Variants in NIPBL observed in about 807,000 individuals in gnomAD.
The protein encoded by NIPBL is NIPBL cohesin loading factor.
Under a neutral mutation model 321.8 loss-of-function variants are expected in NIPBL, and 19 were observed. The observed-to-expected ratio is 0.06, with a 90% CI of 0.04 to 0.09. The LOEUF is 0.09. Among genes scored for constraint, NIPBL ranks in the 10% least tolerant of loss-of-function variants. The pLI is 1.00. For missense variants in NIPBL, 2,210 were observed against 3,327.0 expected (o/e 0.66, Z 8.26); for synonymous variants, 1,106 against 1,114.1 (o/e 0.99, Z 0.14).
chr5:36,888,214 C>T (rs1212586060), intron 1 of NIPBL, among the ~76,000 whole-genome samples: 1 of 152,072 alleles, frequency 6.6e-6, no homozygotes, highest in East Asian at 1.9e-4. Flanking sequence ...TGCTTGGGCT[C>T]TGGTATTTAA....
chr5:36,972,411 C>T (rs1742957715), intron 8 of NIPBL, among the ~76,000 whole-genome samples: 2 of 152,072 alleles, frequency 1.3e-5, no homozygotes, highest in Admixed American at 1.3e-4. Flanking sequence ...CTGTTTTTCT[C>T]CCACTTCTTT....
intron 1 of NIPBL, among the ~76,000 whole-genome samples, chr5:36,878,929 C>T (rs1745299491): frequency 6.6e-6 from 1 of 151,316 alleles, no homozygotes. Flanking sequence ...GCTGCCTGCT[C>T]CTGTTAGACA....
At chr5:37,025,919 T>C (rs747900716) in intron 30 of NIPBL, among the ~76,000 whole-genome samples, 3 of 152,128 alleles carry the variant, frequency 2.0e-5, no homozygotes, top group Non-Finnish European at 4.4e-5. Context: ...TAACAACTTC[T>C]TCTCCAAAAG....
chr5:36,934,998 C>T (rs879301174), intron 1 of NIPBL, among the ~76,000 whole-genome samples: 1 of 152,052 alleles, frequency 6.6e-6, no homozygotes, highest in Non-Finnish European at 1.5e-5. Context: ...CTTCAGTGTC[C>T]CTCTTTTCCT....
intron 1 of NIPBL, among the ~76,000 whole-genome samples, chr5:36,880,856 C>T (rs1745450131): frequency 6.6e-6 from 1 of 152,028 alleles, no homozygotes; most frequent in East Asian, 1.9e-4. Flanking sequence ...ACCAGCTTTC[C>T]GTTTAATGAT....
intron 24 of NIPBL, among the ~76,000 whole-genome samples, 179 bp downstream of exon 24, chr5:37,017,341 A>G (rs894166534): frequency 4.6e-5 from 7 of 152,190 alleles, no homozygotes; most frequent in Admixed American, 3.3e-4. Flanking sequence ...TATTTAGTCT[A>G]ACAGGGACTT....
chr5:36,976,856 T>G (rs149459), intron 9 of NIPBL, among the ~76,000 whole-genome samples: 5,008 of 152,130 alleles, frequency 0.033, 292 homozygotes, highest in African/African-American at 0.11. Context: ...TTTCACTTGG[T>G]TTATGATCCT....
chr5:37,043,480 TCATGC>T (rs1043708048), intron 34 of NIPBL, among the ~76,000 whole-genome samples: 8 of 151,182 alleles, frequency 5.3e-5, no homozygotes, highest in African/African-American at 1.7e-4. Context: ...TGAGCCAAGA[TCATGC>T]CACTGCACTC....
chr5:37,028,906 C>T (rs1179092395), intron 32 of NIPBL, among the ~76,000 whole-genome samples: 1 of 152,124 alleles, frequency 6.6e-6, no homozygotes, highest in African/African-American at 2.4e-5. Flanking sequence ...TCTCATGCGA[C>T]TTGTATGTTT....
At chr5:37,002,427 A>G (rs534133196) in intron 14 of NIPBL, among the ~76,000 whole-genome samples, 8 of 152,350 alleles carry the variant, frequency 5.3e-5, no homozygotes, top group South Asian at 4.1e-4. Context: ...AGTCAAGAGT[A>G]TATCTAAAGT....
chr5:37,051,754 T>A (rs1186760678), intron 40 of NIPBL, 25 bp from the exon 41 acceptor site: 1 of 1,507,596 alleles, frequency 6.6e-7, no homozygotes, highest in Non-Finnish European at 9.2e-7. Flanking sequence ...CCATGATATC[T>A]CGTAATTTTT....
chr5:36,889,940 G>A (rs147706175), intron 1 of NIPBL, among the ~76,000 whole-genome samples: 11 of 148,654 alleles, frequency 7.4e-5, no homozygotes, highest in African/African-American at 2.8e-4. Flanking sequence ...ATGCTGTTTG[G>A]GAAATGGGAA....
intron 34 of NIPBL, among the ~76,000 whole-genome samples, chr5:37,039,581 G>A (rs1752103286): frequency 6.6e-6 from 1 of 152,010 alleles, no homozygotes; most frequent in African/African-American, 2.4e-5. Flanking sequence ...GAAGCTTAAA[G>A]AGTATAAGTA....
chr5:37,003,767 T>C (rs1747099154), intron 16 of NIPBL, among the ~76,000 whole-genome samples: 1 of 152,210 alleles, frequency 6.6e-6, no homozygotes, highest in African/African-American at 2.4e-5. Flanking sequence ...TTCATTAGCA[T>C]TGCTAGTAGA....
At chr5:36,968,660 A>G (rs1335890894) in intron 6 of NIPBL, among the ~76,000 whole-genome samples, 1 of 152,214 alleles carries the variant, frequency 6.6e-6, no homozygotes, top group African/African-American at 2.4e-5. Flanking sequence ...CAGGAGTTTA[A>G]GTCTAGCCTG....
At chr5:36,979,566 A>G (rs1164590079) in intron 9 of NIPBL, among the ~76,000 whole-genome samples, 3 of 151,722 alleles carry the variant, frequency 2.0e-5, no homozygotes, top group Admixed American at 1.3e-4. Context: ...TCCTATTTGG[A>G]TGCCTAATAT....
chr5:36,944,590 C>T (rs1402244439), intron 1 of NIPBL, among the ~76,000 whole-genome samples: 1 of 151,976 alleles, frequency 6.6e-6, no homozygotes, highest in Non-Finnish European at 1.5e-5. Context: ...AAGTCTTGTT[C>T]ACAAATTTTT....
At chr5:36,897,245 A>G (rs1390253996) in intron 1 of NIPBL, among the ~76,000 whole-genome samples, 13 of 149,534 alleles carry the variant, frequency 8.7e-5, no homozygotes, top group Non-Finnish European at 1.8e-4. Context: ...CTCGTGATCC[A>G]CCTGCTTTAG....
intron 45 of NIPBL, among the ~76,000 whole-genome samples, chr5:37,061,806 A>G (rs1035894665): frequency 6.6e-6 from 1 of 152,202 alleles, no homozygotes; most frequent in African/African-American, 2.4e-5. Context: ...TAGTTGTTAT[A>G]CTGCATTTTT....
Sources: allele counts gnomAD v4.1 joint callset (sites outside exome capture counted in the v4.1 genomes callset), GRCh38; gene constraint gnomAD v4.1.1; transcripts MANE v1.5; gene names NCBI Gene and HGNC (gene_info 2026-07-23, HGNC 2026-07-21).